Variants in NOL10 observed in about 807,000 individuals in gnomAD.
NOL10 encodes the protein nucleolar protein 10, also known as H_NH0074G24.1.
Under a neutral mutation model 103.5 loss-of-function variants are expected in NOL10, and 58 were observed. The ratio of observed to expected loss-of-function variants is 0.56; its 90% CI spans 0.45 to 0.70. NOL10 has a LOEUF of 0.70. Ranked by LOEUF, NOL10 falls within the 30% of genes least tolerant of loss-of-function variation. The probability of loss-of-function intolerance (pLI) is 0.00; values close to 1 mark genes in which losing one functional copy is unlikely to be tolerated. For synonymous variants in NOL10, 287 were observed against 282.5 expected, an observed-to-expected ratio of 1.02 and a Z score of -0.16; for missense variants, 763 against 807.3, an observed-to-expected ratio of 0.95 and a Z score of 0.67.
At chr2:10,618,104 T>C (rs999735966) in intron 13 of NOL10, among the ~76,000 whole-genome samples, 3 of 151,748 alleles carry the variant, frequency 2.0e-5, no homozygotes, top group Non-Finnish European at 2.9e-5. Flanking sequence ...CACAAACTCC[T>C]GGGCTCAAGC....
intron 13 of NOL10, among the ~76,000 whole-genome samples, chr2:10,615,686 T>C (rs1378761823): frequency 6.6e-6 from 1 of 152,136 alleles, no homozygotes; most frequent in African/African-American, 2.4e-5. Flanking sequence ...ACATGAGAGC[T>C]TACAGAGGTG....
At chr2:10,627,660 G>GT (rs1208839655) in intron 13 of NOL10, among the ~76,000 whole-genome samples, 1 of 150,280 alleles carries the variant, frequency 6.7e-6, no homozygotes, top group Non-Finnish European at 1.5e-5. Context: ...GGGTGACAGC[G>GT]TAAGACTCCG....
At chr2:10,654,903 C>T (rs1459665162) in intron 11 of NOL10, among the ~76,000 whole-genome samples, 1 of 152,008 alleles carries the variant, frequency 6.6e-6, no homozygotes, top group Admixed American at 6.6e-5. Flanking sequence ...CCCAGCTTAA[C>T]TTGTATTGAA....
At chr2:10,645,653 C>T (rs1301172859) in intron 12 of NOL10, among the ~76,000 whole-genome samples, 1 of 151,832 alleles carries the variant, frequency 6.6e-6, no homozygotes, top group African/African-American at 2.4e-5. Flanking sequence ...CCTGCCTCAG[C>T]CTCCCGAGTA....
intron 13 of NOL10, among the ~76,000 whole-genome samples, chr2:10,635,394 T>G (rs1678135448): frequency 6.6e-6 from 1 of 152,198 alleles, no homozygotes; most frequent in South Asian, 2.1e-4. Context: ...ATATGGTCAT[T>G]CACTATTTTG....
intron 5 of NOL10, 63 bp from the exon 6 acceptor site, chr2:10,671,753 G>A (rs1006925895): frequency 1.1e-5 from 14 of 1,301,472 alleles, no homozygotes; most frequent in South Asian, 2.9e-5. Flanking sequence ...CTTCATTATC[G>A]CTAAAAAACT....
chr2:10,574,183 C>A (rs1674330597), intron 20 of NOL10, among the ~76,000 whole-genome samples: 1 of 152,164 alleles, frequency 6.6e-6, no homozygotes, highest in Non-Finnish European at 1.5e-5. Flanking sequence ...CCCTAGCATG[C>A]AGCACAGGGC....
intron 13 of NOL10, among the ~76,000 whole-genome samples, chr2:10,609,447 AAAAAAAAT>A (rs1392782861): frequency 4.6e-5 from 7 of 150,730 alleles, no homozygotes; most frequent in Non-Finnish European, 8.9e-5. Context: ...AAAAAAAAAA[AAAAAAAAT>A]CAGGCGCGGT....
chr2:10,656,327 C>G (rs540980911), intron 11 of NOL10, among the ~76,000 whole-genome samples: 46 of 152,296 alleles, frequency 3.0e-4, no homozygotes, highest in African/African-American at 1.0e-3. Flanking sequence ...CCTTCAAACT[C>G]AAAGCCAACA....
chr2:10,573,077 T>A (rs200640564), intron 20 of NOL10, among the ~76,000 whole-genome samples: 36,924 of 150,780 alleles, frequency 0.24, 6,302 homozygotes, highest in African/African-American at 0.45. Flanking sequence ...AAAAAAAAAA[T>A]TTCTTAGCGG....
At chr2:10,575,562 C>CT (rs993621269) in intron 20 of NOL10, among the ~76,000 whole-genome samples, 2 of 152,156 alleles carry the variant, frequency 1.3e-5, no homozygotes, top group East Asian at 1.9e-4. Context: ...ATTCTTAATA[C>CT]TTTTTTTATA....
At chr2:10,673,059 A>G (rs2148345979) in intron 5 of NOL10, among the ~76,000 whole-genome samples, 1 of 152,312 alleles carries the variant, frequency 6.6e-6, no homozygotes, top group African/African-American at 2.4e-5. Context: ...ACTTAGCTAT[A>G]TTTTGAACTG....
At chr2:10,572,265 C>T in intron 20 of NOL10, 75 bp from the exon 21 acceptor site, 2 of 1,485,686 alleles carry the variant, frequency 1.3e-6, no homozygotes, top group East Asian at 2.3e-5. Flanking sequence ...CGTCAGGCTG[C>T]CAACAGTACC....
At chr2:10,591,590 G>A (rs987556084) in intron 17 of NOL10, among the ~76,000 whole-genome samples, 11 of 152,052 alleles carry the variant, frequency 7.2e-5, no homozygotes, top group African/African-American at 2.7e-4. Flanking sequence ...AACCACTAGC[G>A]AAGAGGAGGA....
Position 10,575,571 on chromosome 2 carries a change from T to C in NOL10, c.1947+2065A>G, listed in dbSNP as rs994249878. 2.4e-4 allele frequency among the ~76,000 whole-genome samples: 37 copies of C among 152,336 alleles called. 1 individual carries two copies. The highest frequency in any genetic ancestry group is 5.3e-4 in the Non-Finnish European group (36 of 68,030). On this transcript the variant is annotated intron_variant, in intron 20 of 20. Transcript: ENST00000381685. ...AAAGCAATTCTTAATACTTTTTTTATAAACAAAAATATAATTTCAGAGCCA... is the reference window on the plus strand; with the variant it reads ...AAAGCAATTCTTAATACTTTTTTTACAAACAAAAATATAATTTCAGAGCCA...
chr2:10,622,374 C>T (rs1677199057), intron 13 of NOL10, among the ~76,000 whole-genome samples: 1 of 151,726 alleles, frequency 6.6e-6, no homozygotes, highest in Non-Finnish European at 1.5e-5. Context: ...CTTGACTGCA[C>T]AGCATGTGCA....
Position 10,673,328 on chromosome 2 carries a change from G to A in NOL10, c.327+192C>T, listed in dbSNP as rs1004304677. The A allele has an allele frequency of 7.3e-5, 30 of 408,710 alleles. 1 individual carries two copies. Among genetic ancestry groups the A allele is most frequent in the East Asian group, 5.6e-4 (15 of 26,710 alleles). The allele number at this position is 408,710 out of a possible 1,614,324, so 25.3% of individuals were successfully genotyped here. On this transcript the variant is annotated intron_variant, in intron 5 of 20. Coordinates refer to ENST00000381685, the MANE Select transcript of NOL10 (RefSeq NM_024894.4). Reference sequence around the variant, plus strand: ...ATATTAGATTGGCCAAAGGCTATCCGTATCACTGTATTAATATTAATAAAA... The same window carrying A: ...ATATTAGATTGGCCAAAGGCTATCCATATCACTGTATTAATATTAATAAAA...
chr2:10,575,693 G>GCAAGGT (rs1352394166), intron 20 of NOL10, among the ~76,000 whole-genome samples: 3 of 152,156 alleles, frequency 2.0e-5, no homozygotes, highest in Non-Finnish European at 4.4e-5. Flanking sequence ...TCATGTTACT[G>GCAAGGT]CAAGGTAGGT....
At chr2:10,607,355 C>T (rs767998600) in intron 13 of NOL10, 44 bp from the exon 14 acceptor site, 10 of 1,555,672 alleles carry the variant, frequency 6.4e-6, no homozygotes, top group African/African-American at 4.2e-5. Context: ...CAGTTTACCA[C>T]GCCATCCAAG....
Sources: gnomAD v4.1 joint callset for allele counts (sites outside exome capture counted in the v4.1 genomes callset) on GRCh38, gnomAD v4.1.1 for gene constraint, MANE v1.5 for transcripts, NCBI Gene and HGNC (gene_info 2026-07-23, HGNC 2026-07-21) for gene names.